The following ANXA6 variants were observed in gnomAD, a reference collection of about 807,000 sequenced individuals.
ANXA6 encodes 67 kDa calelectrin.
A neutral mutation model predicts 95.4 loss-of-function variants in ANXA6; 71 were observed. That is an observed-to-expected ratio of 0.74 (90% CI 0.61 to 0.91). ANXA6 has a LOEUF of 0.91. Ranked by LOEUF, ANXA6 falls within the 40% of genes least tolerant of loss-of-function variation. The pLI is 0.00. For missense variants in ANXA6, 830 were observed against 876.4 expected (o/e 0.95, Z 0.67); for synonymous variants, 289 against 315.9 (o/e 0.91, Z 0.90).
chr5:151,132,671 T>G (rs1765550246), intron 9 of ANXA6, 100 bp from the exon 10 acceptor site: 1 of 958,842 alleles, frequency 1.0e-6, no homozygotes, highest in African/African-American at 1.7e-5. Context: ...CCAGGACGAC[T>G]GTCCACCATG....
intron 15 of ANXA6, 51 bp downstream of exon 15, chr5:151,124,235 C>T: frequency 6.4e-7 from 1 of 1,554,742 alleles, no homozygotes; most frequent in South Asian, 1.1e-5. Flanking sequence ...GCCAAACCCA[C>T]CACACCTGCT....
intron 6 of ANXA6, 88 bp downstream of exon 6, chr5:151,137,143 A>G: frequency 1.9e-6 from 2 of 1,037,510 alleles, no homozygotes; most frequent in African/African-American, 4.3e-5. Flanking sequence ...GAGAGAAGGT[A>G]GATGGCTAGA....
At chr5:151,128,946 CAAAA>C (rs372400204) in intron 12 of ANXA6, among the ~76,000 whole-genome samples, 3 of 127,784 alleles carry the variant, frequency 2.3e-5, no homozygotes, top group African/African-American at 5.7e-5. Flanking sequence ...TTCAGTCATC[CAAAA>C]AAAAAAAAAA....
Position 151,125,065 on chromosome 5 carries a change from G to A in ANXA6, c.1057-698C>T, listed in dbSNP as rs1487797049. Among the ~76,000 whole-genome samples the A allele has an allele frequency of 2.0e-5, 3 of 152,286 alleles. No individual in the cohort carries two copies. In the East Asian group the frequency reaches 5.8e-4, roughly 29 times the overall value. On this transcript the variant is annotated intron_variant, in intron 14 of 25. Coordinates refer to ENST00000354546, the MANE Select transcript of ANXA6 (RefSeq NM_001155.5). The stretch of plus-strand genomic sequence containing the variant: ...CACACTCAAAAAATAATTGTTAAGT[G>A]GATTAATGAGGCTTGGCACAATGGC...
chr5:151,143,270 C>A (rs1765885088), intron 2 of ANXA6, among the ~76,000 whole-genome samples: 1 of 152,160 alleles, frequency 6.6e-6, no homozygotes, highest in Non-Finnish European at 1.5e-5. Context: ...GAAGGGACAA[C>A]CACCACATAG....
rs762708618 is a variant in ANXA6 at position 151,134,414 on chromosome 5, G to T, written c.546+13C>A. 3.1e-6 allele frequency: 5 copies of T among 1,613,632 alleles called. No homozygotes were observed. The highest frequency in any genetic ancestry group is 3.4e-6 in the Non-Finnish European group (4 of 1,179,794). ...CTGCTGTGCCTCAGGGACTTTCAGTGGTGCTTGTTTACCTGGACATCCTGT... is the reference window on the plus strand; with the variant it reads ...CTGCTGTGCCTCAGGGACTTTCAGTTGTGCTTGTTTACCTGGACATCCTGT... On this transcript the variant is annotated intron_variant, in intron 8 of 25. Transcript: ENST00000354546.
chr5:151,139,343 C>T lies in ANXA6; in HGVS notation c.204+10G>A, dbSNP rs376060694. ...CCGCACCCCATGGGCCCTCCGGTTG[C>T]TGTGGTTACCTTGCCGTAGAGGGAC... On this transcript the variant is annotated intron_variant, in intron 4 of 25. Coordinates refer to ENST00000354546, the MANE Select transcript of ANXA6 (RefSeq NM_001155.5). The T allele has an allele frequency of 3.3e-4, 522 of 1,599,510 alleles. No homozygotes were observed. Among genetic ancestry groups the T allele is most frequent in the Non-Finnish European group, 4.2e-4 (494 of 1,170,230 alleles).
At chr5:151,110,574 G>A in intron 21 of ANXA6, 53 bp downstream of exon 21, 1 of 1,601,310 alleles carries the variant, frequency 6.2e-7, no homozygotes, top group Non-Finnish European at 8.6e-7. Context: ...GCCCAGTAAA[G>A]GCGGACTTTA....
In ANXA6 at chr5:151,129,506, GGT is replaced by G; in HGVS notation, c.817_818del (p.Thr273ProfsTer9). 1 of 1,608,538 alleles carries G rather than the reference GGT, an allele frequency of 6.2e-7. No individual in the cohort carries two copies. The highest frequency in any genetic ancestry group is 8.5e-7 in the Non-Finnish European group (1 of 1,177,656). Reference sequence around the variant, plus strand: ...TACGGGAGACCATGATGCGGATCAGGGTGTTGTCCCGAGTCCCCAGGCCCTGC... The same window carrying G: ...TACGGGAGACCATGATGCGGATCAGGGTTGTCCCGAGTCCCCAGGCCCTGC... ...AMKGLGTRDN[T>X]LIRIMVSRSE... is the part of the protein sequence containing the mutation. On this transcript the variant is annotated frameshift_variant, in exon 12 of 26. Coordinates refer to ENST00000354546, the MANE Select transcript of ANXA6 (RefSeq NM_001155.5). LOFTEE classifies it high-confidence loss of function.
chr5:151,131,434 A>T, intron 10 of ANXA6, 145 bp from the exon 11 acceptor site: 1 of 778,670 alleles, frequency 1.3e-6, no homozygotes, highest in South Asian at 1.6e-5. Flanking sequence ...TCACAGCCCC[A>T]GATCACCCCA....
rs536350557 is a variant in ANXA6 at position 151,123,635 on chromosome 5, G to A, written c.1139-624C>T. ...GCTTGGCAGGTATCATCATTCCCATGAGACACATGGAAAGGAGGCTCAGGA... is the reference window on the plus strand; with the variant it reads ...GCTTGGCAGGTATCATCATTCCCATAAGACACATGGAAAGGAGGCTCAGGA... On this transcript the variant is annotated intron_variant, in intron 15 of 25. Coordinates refer to ENST00000354546, the MANE Select transcript of ANXA6 (RefSeq NM_001155.5). 3.0e-4 allele frequency among the ~76,000 whole-genome samples: 42 copies of A among 139,390 alleles called. No individual in the cohort carries two copies. In the South Asian group the frequency reaches 4.3e-3, roughly 14 times the overall value. 91.4% of individuals were successfully genotyped at this position (139,390 alleles called of 152,430 possible). A position where few individuals can be genotyped will look rare whatever the true frequency, so the allele number is the denominator to read the frequency against.
At chr5:151,137,399 C>A (rs1765697828) in intron 5 of ANXA6, 78 bp from the exon 6 acceptor site, 2 of 1,217,840 alleles carry the variant, frequency 1.6e-6, no homozygotes. Context: ...CAGGGAGTGG[C>A]CAGAGCTATG....
At chr5:151,157,081 C>T (rs1283423371) in intron 1 of ANXA6, among the ~76,000 whole-genome samples, 1 of 152,170 alleles carries the variant, frequency 6.6e-6, no homozygotes, top group Non-Finnish European at 1.5e-5. Flanking sequence ...TAGGAGGCCT[C>T]GGAGCCCCGT....
rs1268803857 is a variant in ANXA6 at position 151,148,604 on chromosome 5, T to C, written c.-25-678A>G. ...GAAATATGAGCAATTTTTTAAATTC[T>C]GTTTCTCTAGAGCTTATGCTGTAAT... is the stretch of plus-strand genomic sequence containing the variant. On this transcript the variant is annotated intron_variant, in intron 1 of 25. Coordinates refer to ENST00000354546, the MANE Select transcript of ANXA6 (RefSeq NM_001155.5). Among the ~76,000 whole-genome samples, 4 of 152,248 alleles carry C rather than the reference T, an allele frequency of 2.6e-5. No individual in the cohort carries two copies. In the East Asian group the frequency reaches 5.8e-4, roughly 22 times the overall value.
rs372964851 is a variant in ANXA6, at chr5:151,153,665, T to C, written c.-26+4015A>G. On this transcript the variant is annotated intron_variant, in intron 1 of 25. Coordinates refer to ENST00000354546, the MANE Select transcript of ANXA6 (RefSeq NM_001155.5). ...TTGAGTGATTTTACAGGTCAGTAAG[T>C]TGCAAATAATTGATGGTAACACAAA... Among the ~76,000 whole-genome samples the C allele has an allele frequency of 9.2e-5, 14 of 152,342 alleles. No individual in the cohort carries two copies. The East Asian group carries it at 1.5e-3, about 17-fold the overall frequency.
intron 1 of ANXA6, among the ~76,000 whole-genome samples, chr5:151,153,228 A>AATT (rs1766150915): frequency 6.6e-6 from 1 of 152,226 alleles, no homozygotes; most frequent in Admixed American, 6.5e-5. Flanking sequence ...CCAGCTTTCC[A>AATT]GAATCTATAC....
At chr5:151,119,580 C>A (rs1765104186) in intron 17 of ANXA6, among the ~76,000 whole-genome samples, 190 bp from the exon 18 acceptor site, 1 of 152,194 alleles carries the variant, frequency 6.6e-6, no homozygotes, top group Non-Finnish European at 1.5e-5. Flanking sequence ...ATCCCCAGAA[C>A]CTCCCATGTG....
At chr5:151,143,855 C>T (rs2113951811) in intron 2 of ANXA6, among the ~76,000 whole-genome samples, 1 of 152,084 alleles carries the variant, frequency 6.6e-6, no homozygotes, top group Non-Finnish European at 1.5e-5. Context: ...TAAGCTGAGT[C>T]CTGAGGGATG....
At chr5:151,103,781 T>C (rs1448627151) in intron 24 of ANXA6, 89 bp from the exon 25 acceptor site, 2 of 1,412,598 alleles carry the variant, frequency 1.4e-6, no homozygotes, top group African/African-American at 2.9e-5. Context: ...TCTGCCTTTC[T>C]CCCTTGTTCC....
Sources: allele counts gnomAD v4.1 joint callset (sites outside exome capture counted in the v4.1 genomes callset), GRCh38; gene constraint gnomAD v4.1.1; transcripts MANE v1.5; gene names NCBI Gene and HGNC (gene_info 2026-07-23, HGNC 2026-07-21).